Variants in SFSWAP observed in about 807,000 individuals in gnomAD.
SFSWAP encodes splicing factor SWAP.
A neutral mutation model predicts 100.7 loss-of-function variants in SFSWAP; 17 were observed. The observed-to-expected ratio is 0.17, with a 90% CI of 0.12 to 0.25. SFSWAP has a LOEUF of 0.25. Ranked by LOEUF, SFSWAP falls within the 10% of genes least tolerant of loss-of-function variation. The pLI is 1.00. For missense variants in SFSWAP, 1,005 were observed against 1,262.6 expected, an observed-to-expected ratio of 0.80 and a Z score of 3.09; for synonymous variants, 504 against 510.1, an observed-to-expected ratio of 0.99 and a Z score of 0.16.
rs771406854 is a variant in SFSWAP, at chr12:131,714,842, A to G, written c.409A>G (p.Ser137Gly). Residue 137 changes from serine to glycine, a missense_variant, in exon 3 of 18, where the codon AGT (serine) becomes GGT (glycine). Physicochemically the swap from Ser to Gly is moderately conservative, Grantham distance 56. This residue lies in a region of SFSWAP where 237 missense variants were observed against 337.0 expected (regional missense o/e 0.70). Transcript: ENST00000261674. The surrounding 1 kb of genome is among the most constrained non-coding windows in gnomAD (Gnocchi z 6.0). ...ARQEEEYKRL[S>G]EALAEDGSYN... ...TCAAGAGGAAGAATACAAGCGATTG[A>G]GTGAAGCACTAGCAGAGGATGGGAG... The G allele has an allele frequency of 2.5e-6, 4 of 1,614,096 alleles. No homozygotes were observed. Among genetic ancestry groups the G allele is most frequent in the Non-Finnish European group, 3.4e-6 (4 of 1,179,910 alleles).
intron 7 of SFSWAP, among the ~76,000 whole-genome samples, chr12:131,737,746 C>A (rs1431809729): frequency 6.6e-6 from 1 of 151,982 alleles, no homozygotes; most frequent in African/African-American, 2.4e-5. Flanking sequence ...GGAGATTTTC[C>A]TACATTTTGG....
At chr12:131,738,885 CTTTTTTTTTTTTT>C (rs71072785) in intron 7 of SFSWAP, among the ~76,000 whole-genome samples, 1 of 48,718 alleles carries the variant, frequency 2.1e-5, no homozygotes, top group African/African-American at 5.8e-5. Flanking sequence ...GAACATTATT[CTTTTTTTTTTTTT>C]TTTTTTTTTT....
intron 11 of SFSWAP, among the ~76,000 whole-genome samples, chr12:131,759,046 C>T (rs1882425176): frequency 6.6e-6 from 1 of 152,148 alleles, no homozygotes; most frequent in Non-Finnish European, 1.5e-5. Flanking sequence ...AAGACCACGC[C>T]ACTGTGTTCC....
chr12:131,725,987 A>G lies in SFSWAP; in HGVS notation c.832+357A>G, dbSNP rs1878929178. ...CTCTCTTGGATTATTCAAGTACCAC[A>G]GTGTTCAGGGCTGTATAGCTCAATT... On this transcript the variant is annotated intron_variant, in intron 5 of 17. Transcript: ENST00000261674. The surrounding 1 kb of genome is among the most constrained non-coding windows in gnomAD (Gnocchi z 4.3). Among the ~76,000 whole-genome samples, 1 of 152,194 alleles carries G rather than the reference A, an allele frequency of 6.6e-6. No homozygotes were observed.
chr12:131,752,208 A>G (rs1165986068), intron 7 of SFSWAP, among the ~76,000 whole-genome samples: 2 of 152,222 alleles, frequency 1.3e-5, no homozygotes, highest in Non-Finnish European at 2.9e-5. Context: ...AGGTGAATTG[A>G]TTGAAAGTGA....
chr12:131,757,250 C>G (rs1401614253), intron 11 of SFSWAP: 2 of 152,528 alleles, frequency 1.3e-5, no homozygotes, highest in Non-Finnish European at 2.9e-5. Flanking sequence ...GCTGGTGTTG[C>G]GAGAGGAACG....
intron 13 of SFSWAP, among the ~76,000 whole-genome samples, chr12:131,775,061 G>C (rs1269827957): frequency 6.6e-6 from 1 of 152,144 alleles, no homozygotes. Flanking sequence ...GTTTGGTTTT[G>C]TCTTTCACAG....
chr12:131,720,146 A>G, intron 4 of SFSWAP, among the ~76,000 whole-genome samples: 1 of 152,344 alleles, frequency 6.6e-6, no homozygotes, highest in Non-Finnish European at 1.5e-5. Flanking sequence ...AAATTAAGTT[A>G]TAACAGGTGT....
intron 13 of SFSWAP, among the ~76,000 whole-genome samples, chr12:131,774,315 A>G (rs10736911): frequency 0.82 from 124,787 of 152,174 alleles, 53,648 homozygotes; most frequent in East Asian, 0.96. Flanking sequence ...ATACAAAGTC[A>G]GTCTGCTTTT....
At position 131,778,458 on chromosome 12, in the gene SFSWAP, G is replaced by GCACA; in HGVS notation, c.2408+128_2408+129insCACA. On this transcript the variant is annotated intron_variant, in intron 14 of 17. Coordinates refer to ENST00000261674, the MANE Select transcript of SFSWAP (RefSeq NM_004592.4). The surrounding 1 kb of genome is among the most constrained non-coding windows in gnomAD (Gnocchi z 4.2). ...TCATTAAGCAGACGCGTGTATGCAT[G>GCACA]TGCATGTGTGCCCTGCAAGTCCAAG... The GCACA allele has an allele frequency of 1.5e-6, 2 of 1,358,168 alleles. No homozygotes were observed. Among genetic ancestry groups the GCACA allele is most frequent in the South Asian group, 1.5e-5 (1 of 66,428 alleles). The allele number at this position is 1,358,168 out of a possible 1,614,324, so 84.1% of individuals were successfully genotyped here.
intron 11 of SFSWAP, among the ~76,000 whole-genome samples, chr12:131,760,468 A>G (rs545371546): frequency 9.2e-5 from 14 of 152,284 alleles, no homozygotes; most frequent in African/African-American, 3.4e-4. Context: ...TGCCTCTCAA[A>G]TTGATAAAGT....
chr12:131,758,570 C>T (rs1303612233), intron 11 of SFSWAP, among the ~76,000 whole-genome samples: 3 of 152,094 alleles, frequency 2.0e-5, no homozygotes, highest in Non-Finnish European at 4.4e-5. Context: ...GGAGAAAAAT[C>T]TTTTAAGTCT....
In SFSWAP at chr12:131,797,169, G is replaced by A; in HGVS notation, c.2535-9G>A. ...AGCTGCATCTCTCACAGAAACTCTTGCCTTTCAGAAGTCCCCACGAGAAGA... is the reference window on the plus strand; with the variant it reads ...AGCTGCATCTCTCACAGAAACTCTTACCTTTCAGAAGTCCCCACGAGAAGA... On this transcript the variant is annotated splice_polypyrimidine_tract_variant and intron_variant, in intron 15 of 17. Transcript: ENST00000261674. 1 of 1,603,694 alleles carries A rather than the reference G, an allele frequency of 6.2e-7. No individual in the cohort carries two copies. The highest frequency in any genetic ancestry group is 8.5e-7 in the Non-Finnish European group (1 of 1,177,622).
chr12:131,715,376 A>G (rs1308083876), intron 3 of SFSWAP, among the ~76,000 whole-genome samples: 1 of 152,208 alleles, frequency 6.6e-6, no homozygotes, highest in Non-Finnish European at 1.5e-5. Context: ...GCCCAGTGGA[A>G]GGACACAGTG....
At chr12:131,749,088 A>G (rs1203013207) in intron 7 of SFSWAP, among the ~76,000 whole-genome samples, 1 of 152,228 alleles carries the variant, frequency 6.6e-6, no homozygotes, top group African/African-American at 2.4e-5. Context: ...AAACTTTATT[A>G]TAAAATAGGC....
chr12:131,773,459 C>T (rs1883776421), intron 13 of SFSWAP, among the ~76,000 whole-genome samples: 1 of 152,164 alleles, frequency 6.6e-6, no homozygotes, highest in Admixed American at 6.5e-5. Context: ...CCTACCTCAG[C>T]CTCCAAAGTA....
intron 7 of SFSWAP, among the ~76,000 whole-genome samples, chr12:131,749,601 G>A (rs1287006024): frequency 6.6e-6 from 1 of 152,232 alleles, no homozygotes; most frequent in African/African-American, 2.4e-5. Flanking sequence ...TCTGTGAGCT[G>A]TATGGTGCCA....
intron 15 of SFSWAP, among the ~76,000 whole-genome samples, chr12:131,792,561 C>T (rs1397555498): frequency 6.6e-6 from 1 of 151,600 alleles, no homozygotes; most frequent in African/African-American, 2.4e-5. Context: ...TGTGTGTTCA[C>T]AGATCAGTAC....
chr12:131,765,053 G>A (rs1365114180), intron 12 of SFSWAP, among the ~76,000 whole-genome samples: 2 of 152,196 alleles, frequency 1.3e-5, no homozygotes, highest in Non-Finnish European at 2.9e-5. Context: ...ACTAGGAGAT[G>A]CCCTCTTGTG....
Sources: gnomAD v4.1 joint callset for allele counts (sites outside exome capture counted in the v4.1 genomes callset) on GRCh38, gnomAD v4.1.1 for gene constraint, gnomAD v4.1.1 regional missense constraint, Gnocchi (gnomAD v3.1) non-coding constraint, MANE v1.5 for transcripts, NCBI Gene and HGNC (gene_info 2026-07-23, HGNC 2026-07-21) for gene names.